UPP2: variants seen among roughly 807,000 people sequenced by gnomAD.
UPP2 encodes uridine phosphorylase 2, also known as UPase 2.
In UPP2, 23 loss-of-function variants were observed where a neutral mutation model predicts 26.7. That is an observed-to-expected ratio of 0.86 (90% CI 0.62 to 1.22). The LOEUF (loss-of-function observed/expected upper bound fraction) is 1.22, where lower values mean the gene tolerates loss of function less well. Ranked by LOEUF, UPP2 falls within the 50% of genes most tolerant of loss-of-function variation. UPP2 has a pLI of 0.00. For synonymous variants in UPP2, 127 were observed against 141.3 expected, an observed-to-expected ratio of 0.90 and a Z score of 0.72; for missense variants, 387 against 396.7, an observed-to-expected ratio of 0.98 and a Z score of 0.21.
intron 2 of UPP2, among the ~76,000 whole-genome samples, chr2:158,004,380 G>C (rs556799128): frequency 1.3e-5 from 2 of 151,428 alleles, no homozygotes; most frequent in East Asian, 2.0e-4. Flanking sequence ...GCAGTACGTA[G>C]TGGAGAGAAT....
In UPP2 at chr2:158,083,665, T is replaced by C. The variant is rs1457833420; in HGVS notation, c.148-18375T>C. On this transcript the variant is annotated intron_variant, in intron 3 of 9. Transcript: ENST00000605860. ...CATGTGCATACCTATGAAACAAACCTGTAGGTTCTGTGCATGTATCCCAGA... is the reference window on the plus strand; with the variant it reads ...CATGTGCATACCTATGAAACAAACCCGTAGGTTCTGTGCATGTATCCCAGA... 3.9e-5 allele frequency among the ~76,000 whole-genome samples: 6 copies of C among 151,914 alleles called. 1 individual carries two copies. In the Middle Eastern group the frequency reaches 0.01, roughly 260 times the overall value.
chr2:158,058,373 GCT>G (rs869246675), intron 3 of UPP2, among the ~76,000 whole-genome samples: 438 of 37,498 alleles, frequency 0.012, no homozygotes, highest in Admixed American at 0.016. Context: ...ATGCTTGTAT[GCT>G]CTCTCTCTCT....
chr2:158,072,027 G>C (rs1047784442), intron 3 of UPP2, among the ~76,000 whole-genome samples: 1 of 152,140 alleles, frequency 6.6e-6, no homozygotes, highest in East Asian at 1.9e-4. Flanking sequence ...TGGGCTCTTG[G>C]GGACCCTGAG....
At chr2:158,071,303 C>T (rs916094945) in intron 3 of UPP2, among the ~76,000 whole-genome samples, 2 of 152,018 alleles carry the variant, frequency 1.3e-5, no homozygotes, top group Admixed American at 1.3e-4. Context: ...GCCTGTAATC[C>T]TAGCACTTTG....
At chr2:158,091,075 G>C (rs1243704018) in intron 3 of UPP2, among the ~76,000 whole-genome samples, 1 of 152,200 alleles carries the variant, frequency 6.6e-6, no homozygotes, top group Admixed American at 6.5e-5. Flanking sequence ...CGCGTCACTT[G>C]TGTTTGTAGA....
chr2:158,050,045 A>C (rs981729), intron 3 of UPP2, among the ~76,000 whole-genome samples: 105,316 of 151,448 alleles, frequency 0.7, 36,773 homozygotes, highest in African/African-American at 0.72. Context: ...TTGATTCCTG[A>C]CATTTTATTT....
chr2:158,063,346 C>T (rs527857791), intron 3 of UPP2, among the ~76,000 whole-genome samples: 1 of 152,336 alleles, frequency 6.6e-6, no homozygotes, highest in East Asian at 1.9e-4. Flanking sequence ...TCTTATTACA[C>T]AGAGCAGTGC....
At chr2:158,085,438 C>A (rs557844253) in intron 3 of UPP2, among the ~76,000 whole-genome samples, 8 of 152,202 alleles carry the variant, frequency 5.3e-5, no homozygotes, top group African/African-American at 1.9e-4. Context: ...ACAATCATAT[C>A]ATCAGCAAAC....
At position 158,019,505 on chromosome 2, in the gene UPP2, C is replaced by T. The variant is rs75746213; in HGVS notation, c.147+3619C>T. ...TCATCTTGCTTCCTCTTATGCCTTCCGTCACAATCTGAAAATGGTCAAACC... is the reference window on the plus strand; with the variant it reads ...TCATCTTGCTTCCTCTTATGCCTTCTGTCACAATCTGAAAATGGTCAAACC... On this transcript the variant is annotated intron_variant, in intron 3 of 9. Transcript: ENST00000605860. Among the ~76,000 whole-genome samples the T allele has an allele frequency of 2.4e-3, 365 of 152,152 alleles. 6 individuals carry two copies. The highest frequency in any genetic ancestry group is 4.8e-3 in the East Asian group (25 of 5,176).
At chr2:158,074,677 T>A (rs1214096551) in intron 3 of UPP2, among the ~76,000 whole-genome samples, 1 of 106,342 alleles carries the variant, frequency 9.4e-6, no homozygotes, top group Non-Finnish European at 1.9e-5. Flanking sequence ...AAAGAAGGAA[T>A]AGAAGACCTT....
chr2:158,117,769 C>T (rs2105224227), intron 3 of UPP2, 55 bp from the exon 4 acceptor site: 1 of 1,296,384 alleles, frequency 7.7e-7, no homozygotes, highest in South Asian at 1.2e-5. Context: ...GAAATTATGT[C>T]CTGTTCATGT....
chr2:158,036,740 A>C (rs1684007475), intron 3 of UPP2, among the ~76,000 whole-genome samples: 1 of 152,214 alleles, frequency 6.6e-6, no homozygotes, highest in Admixed American at 6.5e-5. Flanking sequence ...TAAGTTCTCA[A>C]CATGTCAGTT....
At chr2:158,110,683 C>A (rs1405690384) in intron 2 of UPP2, among the ~76,000 whole-genome samples, 2 of 152,096 alleles carry the variant, frequency 1.3e-5, no homozygotes, top group Non-Finnish European at 2.9e-5. Context: ...TCTGTTGTTT[C>A]CTGACTTTTT....
rs534751421 is a variant in UPP2 at position 158,015,690 on chromosome 2, T to C, written c.62-111T>C. On this transcript the variant is annotated intron_variant, in intron 2 of 9. Coordinates refer to the UPP2 transcript ENST00000605860. Reference sequence around the variant, plus strand: ...AGGTGACTGAATCATGGGGCAGACTTCCCCCTTGCTGTTCTTGTGATAGTG... The same window carrying C: ...AGGTGACTGAATCATGGGGCAGACTCCCCCCTTGCTGTTCTTGTGATAGTG... 217 of 416,150 alleles carry C rather than the reference T, an allele frequency of 5.2e-4. 1 individual carries two copies. Among genetic ancestry groups the C allele is most frequent in the Admixed American group, 1.2e-3 (47 of 40,092 alleles). The allele number at this position is 416,150 out of a possible 1,614,324, so 25.8% of individuals were successfully genotyped here. A position where few individuals can be genotyped will look rare whatever the true frequency, so the allele number is the denominator to read the frequency against.
upstream of UPP2, among the ~76,000 whole-genome samples, chr2:158,100,418 C>T (rs969561950): frequency 6.6e-6 from 1 of 152,182 alleles, no homozygotes; most frequent in African/African-American, 2.4e-5. Context: ...AACATTTTTA[C>T]CTCTCAAAGC....
intron 3 of UPP2, among the ~76,000 whole-genome samples, chr2:158,023,572 C>T (rs1683789125): frequency 6.6e-6 from 1 of 152,236 alleles, no homozygotes. Context: ...CAAAGCTGGT[C>T]AGCAGGAGAG....
At chr2:158,016,444 G>A (rs992055811) in intron 3 of UPP2, among the ~76,000 whole-genome samples, 15 of 151,916 alleles carry the variant, frequency 9.9e-5, no homozygotes, top group African/African-American at 3.6e-4. Context: ...GGGTTCAAGC[G>A]ATTCTCCTGC....
chr2:158,056,974 C>G (rs1203458637), intron 3 of UPP2, among the ~76,000 whole-genome samples: 1 of 152,120 alleles, frequency 6.6e-6, no homozygotes, highest in African/African-American at 2.4e-5. Flanking sequence ...CTTCTGATGA[C>G]TCAACAAAAT....
intron 3 of UPP2, among the ~76,000 whole-genome samples, chr2:158,043,665 T>G (rs1015078245): frequency 2.6e-5 from 4 of 152,238 alleles, no homozygotes; most frequent in African/African-American, 9.6e-5. Flanking sequence ...GGGTCTTGTA[T>G]GTGCTTGCTT....
Sources: gnomAD v4.1 joint callset for allele counts (sites outside exome capture counted in the v4.1 genomes callset) on GRCh38, gnomAD v4.1.1 for gene constraint, MANE v1.5 for transcripts, NCBI Gene and HGNC (gene_info 2026-07-23, HGNC 2026-07-21) for gene names.